The following REDIC1 variants were observed in gnomAD, a reference collection of about 807,000 sequenced individuals.
REDIC1 encodes regulator of DNA class I crossover intermediates 1.
At chr12:39,686,869 C>G in the REDIC1 span, among the ~76,000 whole-genome samples, 1 of 152,200 alleles carries the variant, frequency 6.6e-6, no homozygotes, top group African/African-American at 2.4e-5. Context: ...ATCTTCAATG[C>G]TTTGCTGCTT....
the REDIC1 span, among the ~76,000 whole-genome samples, chr12:39,652,276 AT>A: frequency 1.3e-4 from 20 of 152,088 alleles, no homozygotes; most frequent in Non-Finnish European, 2.8e-4. Context: ...TGACTGGATC[AT>A]TTGTTAGGTG....
At chr12:39,688,408 A>T in the REDIC1 span, among the ~76,000 whole-genome samples, 1 of 152,204 alleles carries the variant, frequency 6.6e-6, no homozygotes, top group Non-Finnish European at 1.5e-5. Context: ...ACATAGATAT[A>T]CTAAGATGTC....
At chr12:39,794,403 G>C in the REDIC1 span, among the ~76,000 whole-genome samples, 4 of 152,162 alleles carry the variant, frequency 2.6e-5, no homozygotes, top group Admixed American at 2.6e-4. Flanking sequence ...ATTTGGCCTA[G>C]AGCTGCCTCT....
the REDIC1 span, among the ~76,000 whole-genome samples, chr12:39,852,437 G>C: frequency 6.6e-6 from 1 of 152,134 alleles, no homozygotes; most frequent in Non-Finnish European, 1.5e-5. Flanking sequence ...GAAATTACTG[G>C]TTTGCTTAGT....
At chr12:39,902,321 C>T in the REDIC1 span, among the ~76,000 whole-genome samples, 1 of 150,230 alleles carries the variant, frequency 6.7e-6, no homozygotes, top group Non-Finnish European at 1.5e-5. Flanking sequence ...GCAAATGTAC[C>T]CTAAAAATTA....
At chr12:39,780,774 T>G in the REDIC1 span, among the ~76,000 whole-genome samples, 2 of 152,154 alleles carry the variant, frequency 1.3e-5, no homozygotes, top group African/African-American at 2.4e-5. Flanking sequence ...TAATAATACA[T>G]ACACGAAAAC....
the REDIC1 span, chr12:39,721,128 A>C: frequency 6.2e-7 from 1 of 1,613,776 alleles, no homozygotes; most frequent in Admixed American, 1.7e-5. Context: ...ATGTTGCCAT[A>C]CAGTGTGATC....
chr12:39,828,399 T>G, the REDIC1 span, among the ~76,000 whole-genome samples: 1 of 152,116 alleles, frequency 6.6e-6, no homozygotes, highest in Non-Finnish European at 1.5e-5. Flanking sequence ...TACAGGATGA[T>G]GGTATAAAAA....
chr12:39,709,711 G>A, the REDIC1 span, among the ~76,000 whole-genome samples: 1 of 151,568 alleles, frequency 6.6e-6, no homozygotes, highest in Non-Finnish European at 1.5e-5. Flanking sequence ...AATTGTACGT[G>A]TATGCCATAT....
chr12:39,780,019 G>C, the REDIC1 span, among the ~76,000 whole-genome samples: 3 of 152,238 alleles, frequency 2.0e-5, no homozygotes, highest in South Asian at 6.2e-4. Context: ...TGAGTTCTGT[G>C]GCTTCTTTAT....
At chr12:39,760,032 C>A in the REDIC1 span, 1 of 1,610,638 alleles carries the variant, frequency 6.2e-7, no homozygotes, top group Non-Finnish European at 8.5e-7. Flanking sequence ...AAAATTATTC[C>A]ACATCAGAAG....
the REDIC1 span, among the ~76,000 whole-genome samples, chr12:39,705,220 G>A: frequency 6.6e-6 from 1 of 151,852 alleles, no homozygotes; most frequent in Non-Finnish European, 1.5e-5. Flanking sequence ...TAGAAGAAAA[G>A]GACAAATTCC....
chr12:39,733,364 T>C, the REDIC1 span, among the ~76,000 whole-genome samples: 63 of 152,276 alleles, frequency 4.1e-4, no homozygotes, highest in African/African-American at 1.4e-3. Context: ...TTTACTACGA[T>C]ATTCTGTTCC....
chr12:39,712,423 C>G, the REDIC1 span, among the ~76,000 whole-genome samples: 893 of 113,044 alleles, frequency 7.9e-3, 15 homozygotes, highest in African/African-American at 0.027. Context: ...TATATACATA[C>G]GTATATATAC....
At chr12:39,864,943 G>A in the REDIC1 span, 3 of 1,469,248 alleles carry the variant, frequency 2.0e-6, no homozygotes, top group East Asian at 2.4e-5. Flanking sequence ...AGGCAGACTG[G>A]GTTTGGTAAA....
At chr12:39,709,236 T>A in the REDIC1 span, among the ~76,000 whole-genome samples, 3 of 151,608 alleles carry the variant, frequency 2.0e-5, no homozygotes, top group Non-Finnish European at 2.9e-5. Flanking sequence ...GTTTTTTTTT[T>A]TTTTATTTTG....
the REDIC1 span, among the ~76,000 whole-genome samples, chr12:39,627,159 T>G: frequency 1.2e-4 from 19 of 152,306 alleles, no homozygotes; most frequent in African/African-American, 4.6e-4. Context: ...TCTAAAGAAT[T>G]TATCGGAGGA....
the REDIC1 span, among the ~76,000 whole-genome samples, chr12:39,838,926 A>T: frequency 6.6e-6 from 1 of 152,122 alleles, no homozygotes; most frequent in Admixed American, 6.6e-5. Flanking sequence ...GCCTGTCTCT[A>T]GAATGCCCTA....
the REDIC1 span, among the ~76,000 whole-genome samples, chr12:39,701,361 G>A: frequency 1.3e-5 from 2 of 152,152 alleles, no homozygotes; most frequent in Non-Finnish European, 2.9e-5. Context: ...TAATGGTAAA[G>A]GGATCAATTC....
Sources: allele counts gnomAD v4.1 joint callset (sites outside exome capture counted in the v4.1 genomes callset), GRCh38; gene constraint gnomAD v4.1.1; transcripts MANE v1.5; gene names NCBI Gene and HGNC (gene_info 2026-07-23, HGNC 2026-07-21).